The following ECT2 variants were observed in gnomAD, a reference collection of about 807,000 sequenced individuals.
The protein encoded by ECT2 is protein ECT2.
Under a neutral mutation model 116.9 loss-of-function variants are expected in ECT2, and 61 were observed. That is an observed-to-expected ratio of 0.52 (90% CI 0.42 to 0.65). The LOEUF (loss-of-function observed/expected upper bound fraction) is 0.65. Ranked by LOEUF, ECT2 falls within the 30% of genes least tolerant of loss-of-function variation. The pLI is 0.00. For missense variants in ECT2, 937 were observed against 1,078.7 expected (o/e 0.87, Z 1.84); for synonymous variants, 358 against 346.4 (o/e 1.03, Z -0.37).
rs113793777 is a variant in ECT2, at chr3:172,797,018, C to CAGATTCATATATCAGGTTCAACTG, written c.1908-5598_1908-5597insAGATTCATATATCAGGTTCAACTG. On this transcript the variant is annotated intron_variant, in intron 18 of 24. Transcript: ENST00000392692. ...TCTCAGATTCATATATCAGGTTCAA[C>CAGATTCATATATCAGGTTCAACTG]TGTGTGTGTGTGTGTGTGTGTGTGT... 6.2e-3 allele frequency among the ~76,000 whole-genome samples: 868 copies of CAGATTCATATATCAGGTTCAACTG among 139,110 alleles called. 10 individuals are homozygous for CAGATTCATATATCAGGTTCAACTG. Among genetic ancestry groups the CAGATTCATATATCAGGTTCAACTG allele is most frequent in the South Asian group, 0.036 (146 of 4,064 alleles). 91.3% of individuals were successfully genotyped at this position (139,110 alleles called of 152,430 possible).
At chr3:172,761,530 A>G (rs945462778) in intron 7 of ECT2, 80 bp from the exon 8 acceptor site, 4 of 960,328 alleles carry the variant, frequency 4.2e-6, no homozygotes, top group Admixed American at 2.2e-5. Context: ...ACTGCAAAAA[A>G]TTAAGTATGT....
chr3:172,767,696 G>A (rs1719761270), intron 12 of ECT2, among the ~76,000 whole-genome samples: 1 of 151,642 alleles, frequency 6.6e-6, no homozygotes, highest in African/African-American at 2.4e-5. Context: ...TTAAAAAGAT[G>A]TATATATATC....
chr3:172,756,728 C>G (rs1717059424), intron 4 of ECT2, among the ~76,000 whole-genome samples: 1 of 151,716 alleles, frequency 6.6e-6, no homozygotes, highest in Non-Finnish European at 1.5e-5. Context: ...CAGAATTATG[C>G]CTTTATAATA....
At chr3:172,780,146 A>G (rs9840898) in intron 14 of ECT2, among the ~76,000 whole-genome samples, 1 of 152,158 alleles carries the variant, frequency 6.6e-6, no homozygotes, top group Non-Finnish European at 1.5e-5. Context: ...TACTATGTAT[A>G]TATACATAGC....
chr3:172,801,502 C>T (rs974901345), intron 18 of ECT2, among the ~76,000 whole-genome samples: 1 of 152,146 alleles, frequency 6.6e-6, no homozygotes, highest in Non-Finnish European at 1.5e-5. Flanking sequence ...TCCCTAACCT[C>T]GGATAGTTTT....
rs138806607 is a variant in ECT2 at position 172,820,836 on chromosome 3, A to T, written c.*599A>T. 1 of 151,970 alleles carries T rather than the reference A, an allele frequency of 6.6e-6. No homozygotes were observed. Among genetic ancestry groups the T allele is most frequent in the African/African-American group, 2.4e-5 (1 of 41,442 alleles). The allele number at this position is 151,970 out of a possible 1,614,324, so 9.4% of individuals were successfully genotyped here. On this transcript the variant is annotated 3_prime_UTR_variant, in exon 25 of 25. Coordinates refer to ENST00000392692, the MANE Select transcript of ECT2 (RefSeq NM_001258315.2). ...ATTTGCCCTCATTAACAAGAATAAC[A>T]TTTAAAGGAGATTGTTTCAAAATAT...
At chr3:172,781,691 C>T (rs1265487735) in intron 14 of ECT2, among the ~76,000 whole-genome samples, 6 of 152,074 alleles carry the variant, frequency 3.9e-5, no homozygotes, top group East Asian at 1.9e-4. Context: ...TTGCGTGTTT[C>T]GGTTAAAAGA....
At chr3:172,819,491 G>A (rs543125703) in intron 24 of ECT2, among the ~76,000 whole-genome samples, 5 of 151,966 alleles carry the variant, frequency 3.3e-5, no homozygotes, top group East Asian at 3.9e-4. Flanking sequence ...ATTTTTATAC[G>A]GAACGAAATT....
chr3:172,814,996 C>T (rs2109316384), intron 22 of ECT2, among the ~76,000 whole-genome samples: 1 of 152,268 alleles, frequency 6.6e-6, no homozygotes, highest in African/African-American at 2.4e-5. Context: ...AGTGGCTGAC[C>T]TCACAGAAGT....
chr3:172,822,671 A>T (rs773187310), downstream of ECT2, among the ~76,000 whole-genome samples: 2 of 152,030 alleles, frequency 1.3e-5, no homozygotes, highest in African/African-American at 4.8e-5. Flanking sequence ...TCAAAAAGAT[A>T]ATATAAGAAA....
intron 13 of ECT2, among the ~76,000 whole-genome samples, chr3:172,770,939 A>G (rs1408617599): frequency 6.6e-6 from 1 of 152,160 alleles, no homozygotes; most frequent in Non-Finnish European, 1.5e-5. Flanking sequence ...TTGTAAAGTG[A>G]GAGTTTTACT....
chr3:172,762,368 C>T, intron 8 of ECT2, 48 bp from the exon 9 acceptor site: 1 of 1,531,812 alleles, frequency 6.5e-7, no homozygotes, highest in Non-Finnish European at 8.8e-7. Flanking sequence ...ATACCTAACA[C>T]TTGAATTTAA....
chr3:172,798,142 C>T (rs1726069370), intron 18 of ECT2, among the ~76,000 whole-genome samples: 2 of 152,050 alleles, frequency 1.3e-5, no homozygotes, highest in Non-Finnish European at 2.9e-5. Flanking sequence ...GTGTAAAAGA[C>T]ATTGACAAAT....
chr3:172,759,188 T>A, intron 6 of ECT2, 119 bp downstream of exon 6: 1 of 645,692 alleles, frequency 1.5e-6, no homozygotes, highest in South Asian at 2.4e-5. Context: ...TAACTTATTA[T>A]GGCTATACCA....
chr3:172,773,341 CTGTGCATGCATA>C (rs1721000987), intron 13 of ECT2, among the ~76,000 whole-genome samples: 1 of 152,034 alleles, frequency 6.6e-6, no homozygotes, highest in African/African-American at 2.4e-5. Flanking sequence ...TGACTTGTGT[CTGTGCATGCATA>C]TGCATGCACT....
In ECT2 at chr3:172,755,292, C is replaced by A. The variant is rs759671103; in HGVS notation, c.131-3C>A. 3 of 1,591,622 alleles carry A rather than the reference C, an allele frequency of 1.9e-6. No individual in the cohort carries two copies. The Admixed American group carries it at 5.7e-5, about 30-fold the overall frequency. On this transcript the variant is annotated splice_region_variant and splice_polypyrimidine_tract_variant and intron_variant, in intron 2 of 24. Transcript: ENST00000392692. ...AACATTGAAACATTTTACATTTTAA[C>A]AGAAGAGATGCCTCAGATTGAAACA...
intron 21 of ECT2, among the ~76,000 whole-genome samples, chr3:172,807,279 A>C (rs955502504): frequency 6.6e-6 from 1 of 152,212 alleles, no homozygotes; most frequent in African/African-American, 2.4e-5. Flanking sequence ...GTACATTTTC[A>C]ATACAGATAC....
At position 172,764,439 on chromosome 3, in the gene ECT2, C is replaced by T. The variant is rs1356651839; in HGVS notation, c.1230C>T (p.Ser410=). The change falls in exon 12 of 25, where the codon TCC becomes TCT. Residue 410 remains serine, a synonymous_variant. Coordinates refer to ENST00000392692, the MANE Select transcript of ECT2 (RefSeq NM_001258315.2). The part of the protein sequence containing the change: ...PPRKRPSAEH[S]LSIGSLLDIS... ...GTAAGCGCCCATCAGCTGAGCATTC[C>T]CTTTCCATAGGGTCACTCCTAGATA... The T allele has an allele frequency of 1.2e-6, 2 of 1,614,010 alleles. No homozygotes were observed. Among genetic ancestry groups the T allele is most frequent in the African/African-American group, 2.7e-5 (2 of 74,920 alleles).
chr3:172,754,718 G>A (rs1716612638), intron 2 of ECT2, 58 bp downstream of exon 2: 2 of 1,348,076 alleles, frequency 1.5e-6, no homozygotes, highest in Admixed American at 2.3e-5. Flanking sequence ...AAACTTATTA[G>A]TGACTTTCTT....
Sources: gnomAD v4.1 joint callset for allele counts (sites outside exome capture counted in the v4.1 genomes callset) on GRCh38, gnomAD v4.1.1 for gene constraint, MANE v1.5 for transcripts, NCBI Gene and HGNC (gene_info 2026-07-23, HGNC 2026-07-21) for gene names.